Variants in SUGCT observed in about 807,000 individuals in gnomAD.
The protein encoded by SUGCT is succinyl-CoA:glutarate CoA-transferase.
Under a neutral mutation model 55.0 loss-of-function variants are expected in SUGCT, and 41 were observed. That is an observed-to-expected ratio of 0.74 (90% confidence interval 0.58 to 0.97). SUGCT has a LOEUF of 0.97. Ranked by LOEUF, SUGCT falls within the 50% of genes least tolerant of loss-of-function variation. The pLI is 0.00. For missense variants in SUGCT, 568 were observed against 547.8 expected, an observed-to-expected ratio of 1.04 and a Z score of -0.37; for synonymous variants, 187 against 200.4, an observed-to-expected ratio of 0.93 and a Z score of 0.56.
the SUGCT span, among the ~76,000 whole-genome samples, chr7:40,988,316 A>G: frequency 7.3e-4 from 110 of 150,638 alleles, no homozygotes; most frequent in Admixed American, 1.5e-3. Flanking sequence ...GGTGGAGATA[A>G]GACCTTAGGG....
At chr7:40,265,971 AC>A (rs1403072061) in intron 7 of SUGCT, among the ~76,000 whole-genome samples, 1 of 151,770 alleles carries the variant, frequency 6.6e-6, no homozygotes, top group Admixed American at 6.6e-5. Context: ...ACACACACAC[AC>A]ACACAAACAA....
intron 12 of SUGCT, among the ~76,000 whole-genome samples, chr7:40,522,436 GTAATATC>G (rs1327744954): frequency 6.6e-6 from 1 of 152,000 alleles, no homozygotes; most frequent in Non-Finnish European, 1.5e-5. Flanking sequence ...TGCTACCATT[GTAATATC>G]TTAGAGTTCT....
intron 12 of SUGCT, among the ~76,000 whole-genome samples, chr7:40,519,078 A>G (rs1016661917): frequency 6.6e-6 from 1 of 152,092 alleles, no homozygotes; most frequent in African/African-American, 2.4e-5. Context: ...AACAAAGGGC[A>G]CACCACTTTT....
intron 9 of SUGCT, among the ~76,000 whole-genome samples, chr7:40,415,089 T>C (rs1409767972): frequency 2.1e-5 from 3 of 144,612 alleles, no homozygotes; most frequent in Non-Finnish European, 4.5e-5. Flanking sequence ...TCTATCTATC[T>C]ATCTATCTAT....
At chr7:40,409,677 C>T (rs947776175) in intron 9 of SUGCT, among the ~76,000 whole-genome samples, 1 of 151,466 alleles carries the variant, frequency 6.6e-6, no homozygotes, top group East Asian at 1.9e-4. Flanking sequence ...TTTTTTTGCT[C>T]ATTGTTTCCT....
intron 12 of SUGCT, among the ~76,000 whole-genome samples, chr7:40,629,892 T>A (rs1799707636): frequency 6.6e-6 from 1 of 152,200 alleles, no homozygotes; most frequent in Non-Finnish European, 1.5e-5. Flanking sequence ...TTTTGTGACC[T>A]GCAGAGTTGC....
At position 40,232,635 on chromosome 7, in the gene SUGCT, T is replaced by C. The variant is rs1287692928; in HGVS notation, c.485-5000T>C. 6.6e-5 allele frequency among the ~76,000 whole-genome samples: 10 copies of C among 152,222 alleles called. No homozygotes were observed. The East Asian group carries it at 1.7e-3, about 26-fold the overall frequency. On this transcript the variant is annotated intron_variant, in intron 6 of 13. Transcript: ENST00000335693. ...GGCACTCAGGGAAAATATTAAGAGATAATAAATCTTTTCCCCTTAGCTTCC... is the reference window on the plus strand; with the variant it reads ...GGCACTCAGGGAAAATATTAAGAGACAATAAATCTTTTCCCCTTAGCTTCC...
intron 12 of SUGCT, among the ~76,000 whole-genome samples, chr7:40,703,517 T>C (rs1375953937): frequency 6.6e-6 from 1 of 152,160 alleles, no homozygotes; most frequent in Non-Finnish European, 1.5e-5. Flanking sequence ...AGGTACTATC[T>C]TTTAGAGTAG....
At chr7:40,422,893 G>A (rs1365333795) in intron 9 of SUGCT, among the ~76,000 whole-genome samples, 1 of 150,608 alleles carries the variant, frequency 6.6e-6, no homozygotes. Flanking sequence ...TCTTCATTTT[G>A]AGAAATGTTC....
At chr7:40,887,830 A>G in the SUGCT span, among the ~76,000 whole-genome samples, 1 of 152,182 alleles carries the variant, frequency 6.6e-6, no homozygotes, top group Non-Finnish European at 1.5e-5. Context: ...GAGCCAGTAA[A>G]GACACTGAAA....
intron 1 of SUGCT, among the ~76,000 whole-genome samples, chr7:40,161,037 C>T (rs942955276): frequency 6.6e-6 from 1 of 152,036 alleles, no homozygotes; most frequent in African/African-American, 2.4e-5. Context: ...CACTTTAAAG[C>T]CTACCTCTGT....
intron 13 of SUGCT, among the ~76,000 whole-genome samples, chr7:40,844,685 C>A (rs982913563): frequency 6.6e-6 from 1 of 152,338 alleles, no homozygotes; most frequent in East Asian, 1.9e-4. Flanking sequence ...TTTTGGACCG[C>A]AGGTCCAGGC....
At chr7:40,158,488 C>T (rs1397125584) in intron 1 of SUGCT, among the ~76,000 whole-genome samples, 2 of 152,174 alleles carry the variant, frequency 1.3e-5, no homozygotes, top group Non-Finnish European at 2.9e-5. Flanking sequence ...TGGTGGCTCA[C>T]GCCTGTAATC....
At chr7:40,701,121 C>A (rs543200215) in intron 12 of SUGCT, among the ~76,000 whole-genome samples, 1 of 152,210 alleles carries the variant, frequency 6.6e-6, no homozygotes, top group African/African-American at 2.4e-5. Context: ...CTTCCTCCCC[C>A]TCCAGAGATT....
Position 40,860,398 on chromosome 7 carries a change from GA to G in SUGCT, c.1238del (p.Lys413ArgfsTer4). The G allele has an allele frequency of 3.1e-6, 5 of 1,614,004 alleles. No individual in the cohort carries two copies. The highest frequency in any genetic ancestry group is 4.2e-6 in the Non-Finnish European group (5 of 1,179,856). On this transcript the variant is annotated frameshift_variant, in exon 14 of 14. Coordinates refer to ENST00000335693, the MANE Select transcript of SUGCT (RefSeq NM_001193313.2). LOFTEE classifies it high-confidence loss of function. Reference sequence around the variant, plus strand: ...TCGGGCAGCACACAACGCACATCCTGAAGGAGGTCCTGAGATACGATGACAG... The same window carrying G: ...TCGGGCAGCACACAACGCACATCCTGAGGAGGTCCTGAGATACGATGACAG... ...LLGQHTTHILKEVLRYDDRAI... is the reference protein window; with the variant it reads ...LLGQHTTHILXEVLRYDDRAI...
At chr7:40,597,640 T>C (rs1053201234) in intron 12 of SUGCT, among the ~76,000 whole-genome samples, 1 of 152,172 alleles carries the variant, frequency 6.6e-6, no homozygotes, top group Admixed American at 6.5e-5. Flanking sequence ...GGCCAGAGCA[T>C]TCTGTATCCT....
the SUGCT span, among the ~76,000 whole-genome samples, chr7:40,901,705 GAAGT>G: frequency 2.6e-5 from 4 of 152,204 alleles, no homozygotes; most frequent in African/African-American, 9.7e-5. Flanking sequence ...ATAGAATTGA[GAAGT>G]AAGCACAAAG....
intron 12 of SUGCT, among the ~76,000 whole-genome samples, chr7:40,714,603 T>C (rs1785913801): frequency 6.6e-6 from 1 of 152,228 alleles, no homozygotes; most frequent in Admixed American, 6.5e-5. Flanking sequence ...TTTTCTTTTT[T>C]AAGATCTTCT....
At chr7:40,231,067 A>G (rs1205083664) in intron 6 of SUGCT, among the ~76,000 whole-genome samples, 1 of 152,188 alleles carries the variant, frequency 6.6e-6, no homozygotes, top group African/African-American at 2.4e-5. Context: ...GATGAGATTC[A>G]TTAGAGAGAT....
Sources: gnomAD v4.1 joint callset for allele counts (sites outside exome capture counted in the v4.1 genomes callset) on GRCh38, gnomAD v4.1.1 for gene constraint, MANE v1.5 for transcripts, NCBI Gene and HGNC (gene_info 2026-07-23, HGNC 2026-07-21) for gene names.